KCNQ5: variants seen among roughly 807,000 people sequenced by gnomAD.
KCNQ5 encodes the protein potassium voltage-gated channel subfamily KQT member 5.
A neutral mutation model predicts 98.2 loss-of-function variants in KCNQ5; 30 were observed. The observed-to-expected ratio is 0.31, with a 90% CI of 0.23 to 0.41. The LOEUF is 0.41. Ranked by LOEUF, KCNQ5 falls within the 10% of genes least tolerant of loss-of-function variation. KCNQ5 has a pLI of 1.00. For missense variants in KCNQ5, 835 were observed against 1,182.5 expected, an observed-to-expected ratio of 0.71 and a Z score of 4.31; for synonymous variants, 458 against 449.4, an observed-to-expected ratio of 1.02 and a Z score of -0.24.
At chr6:73,035,007 A>G (rs9350478) in intron 2 of KCNQ5, among the ~76,000 whole-genome samples, 42,893 of 151,360 alleles carry the variant, frequency 0.28, 6,567 homozygotes, top group East Asian at 0.54. Context: ...CACCACACCC[A>G]GCTAATTTTT....
intron 6 of KCNQ5, 74 bp downstream of exon 6, chr6:73,105,441 C>T (rs997089331): frequency 1.1e-5 from 9 of 833,282 alleles, no homozygotes; most frequent in Non-Finnish European, 1.5e-5. Flanking sequence ...CTCACAAATT[C>T]GTATGCTTGG....
At chr6:73,154,497 A>T (rs1777275527) in intron 10 of KCNQ5, among the ~76,000 whole-genome samples, 1 of 152,202 alleles carries the variant, frequency 6.6e-6, no homozygotes, top group Non-Finnish European at 1.5e-5. Flanking sequence ...AGAAAAACTA[A>T]GTCTGGATTG....
chr6:73,061,979 G>C (rs750530449), intron 3 of KCNQ5, among the ~76,000 whole-genome samples: 4 of 152,102 alleles, frequency 2.6e-5, no homozygotes, highest in Non-Finnish European at 4.4e-5. Context: ...CTTCAATAAG[G>C]CATTCCTAGA....
intron 2 of KCNQ5, among the ~76,000 whole-genome samples, chr6:73,018,446 C>T (rs573297061): frequency 5.9e-5 from 9 of 151,852 alleles, no homozygotes; most frequent in African/African-American, 1.7e-4. Context: ...CTGTGTCCTT[C>T]GAAACCCCAA....
intron 3 of KCNQ5, among the ~76,000 whole-genome samples, chr6:73,064,247 T>C (rs1388750185): frequency 6.6e-6 from 1 of 152,166 alleles, no homozygotes; most frequent in Non-Finnish European, 1.5e-5. Flanking sequence ...AAAGAAAAAT[T>C]ACATATCCCA....
Position 72,794,247 on chromosome 6 carries a change from A to C in KCNQ5, c.398+171660A>C, listed in dbSNP as rs78470714. Among the ~76,000 whole-genome samples, 265 of 152,220 alleles carry C rather than the reference A, an allele frequency of 1.7e-3. 6 individuals are homozygous for C. In the East Asian group the frequency reaches 0.047, roughly 27 times the overall value. On this transcript the variant is annotated intron_variant, in intron 1 of 13. Coordinates refer to ENST00000370398, the MANE Select transcript of KCNQ5 (RefSeq NM_019842.4). ...CATATGTTTATATCCACTTTTAGCT[A>C]TGGGGTTGTCTCAAAATGTGGTATC...
At chr6:72,766,702 A>G (rs1340351211) in intron 1 of KCNQ5, among the ~76,000 whole-genome samples, 2 of 151,980 alleles carry the variant, frequency 1.3e-5, no homozygotes, top group Admixed American at 1.3e-4. Flanking sequence ...ACAATTGAGC[A>G]AATGGTGGCA....
At chr6:72,772,758 A>G (rs1159467208) in intron 1 of KCNQ5, among the ~76,000 whole-genome samples, 1 of 152,156 alleles carries the variant, frequency 6.6e-6, no homozygotes, top group Non-Finnish European at 1.5e-5. Context: ...CTTTTAAAAA[A>G]TGTCACTGAA....
intron 1 of KCNQ5, among the ~76,000 whole-genome samples, chr6:72,906,713 C>T (rs771488806): frequency 7.3e-4 from 111 of 152,366 alleles, no homozygotes; most frequent in Middle Eastern, 3.4e-3. Flanking sequence ...ATCTCCCTTT[C>T]CCACTTCCAC....
At chr6:73,162,079 G>A (rs1267540505) in intron 10 of KCNQ5, among the ~76,000 whole-genome samples, 2 of 139,684 alleles carry the variant, frequency 1.4e-5, no homozygotes, top group African/African-American at 6.1e-5. Flanking sequence ...ACCATGCCCA[G>A]CTAATTTTTT....
At chr6:72,836,627 AG>A (rs989006134) in intron 1 of KCNQ5, among the ~76,000 whole-genome samples, 2 of 151,900 alleles carry the variant, frequency 1.3e-5, no homozygotes, top group Admixed American at 1.3e-4. Flanking sequence ...CTGTAGAGAC[AG>A]GGTCTCACTG....
At chr6:73,091,335 TG>T (rs1774239037) in intron 5 of KCNQ5, among the ~76,000 whole-genome samples, 1 of 151,786 alleles carries the variant, frequency 6.6e-6, no homozygotes, top group Non-Finnish European at 1.5e-5. Flanking sequence ...GTTAGGGGGC[TG>T]GGGGAGGGAT....
intron 12 of KCNQ5, 31 bp downstream of exon 12, chr6:73,190,735 G>T: frequency 1.3e-6 from 2 of 1,481,606 alleles, no homozygotes; most frequent in Non-Finnish European, 1.8e-6. Context: ...TCCTTGTAAA[G>T]GAATGGGCAT....
At position 72,727,548 on chromosome 6, in the gene KCNQ5, A is replaced by G. The variant is rs968631809; in HGVS notation, c.398+104961A>G. Among the ~76,000 whole-genome samples, 10 of 152,232 alleles carry G rather than the reference A, an allele frequency of 6.6e-5. No individual in the cohort carries two copies. In the East Asian group the frequency reaches 1.7e-3, roughly 26 times the overall value. On this transcript the variant is annotated intron_variant, in intron 1 of 13. Transcript: ENST00000370398. The stretch of plus-strand genomic sequence containing the variant: ...GATTTTTTTTTTCACTTTTGTAGAC[A>G]TATAGCAGTGATTTACAATGATTGC...
chr6:73,155,339 G>T (rs1777318610), intron 10 of KCNQ5, among the ~76,000 whole-genome samples: 1 of 152,206 alleles, frequency 6.6e-6, no homozygotes, highest in South Asian at 2.1e-4. Context: ...TATTGTTAGT[G>T]CCCCATGCAT....
At chr6:72,841,742 T>C (rs763895777) in intron 1 of KCNQ5, among the ~76,000 whole-genome samples, 10 of 152,168 alleles carry the variant, frequency 6.6e-5, no homozygotes, top group Non-Finnish European at 1.2e-4. Context: ...CTCATTTGGA[T>C]ATGTAATCCT....
intron 1 of KCNQ5, among the ~76,000 whole-genome samples, chr6:72,672,409 A>C (rs967567604): frequency 2.6e-5 from 4 of 152,150 alleles, no homozygotes; most frequent in African/African-American, 9.7e-5. Flanking sequence ...TCACCAGAAA[A>C]TTTTATATGT....
intron 3 of KCNQ5, among the ~76,000 whole-genome samples, chr6:73,042,425 G>T (rs1455429944): frequency 6.6e-6 from 1 of 152,106 alleles, no homozygotes; most frequent in Non-Finnish European, 1.5e-5. Flanking sequence ...CTCCAGTGTT[G>T]CCCTAATTTA....
chr6:72,885,178 C>T (rs1279494619), intron 1 of KCNQ5, among the ~76,000 whole-genome samples: 1 of 152,150 alleles, frequency 6.6e-6, no homozygotes, highest in African/African-American at 2.4e-5. Context: ...AATTTGTCAG[C>T]TTCATAAGTG....
Sources: gnomAD v4.1 joint callset for allele counts (sites outside exome capture counted in the v4.1 genomes callset) on GRCh38, gnomAD v4.1.1 for gene constraint, MANE v1.5 for transcripts, NCBI Gene and HGNC (gene_info 2026-07-23, HGNC 2026-07-21) for gene names.